PAX5: variants seen among roughly 807,000 people sequenced by gnomAD.
PAX5 encodes paired box protein Pax-5.
Under a neutral mutation model 43.7 loss-of-function variants are expected in PAX5, and 9 were observed. The observed-to-expected ratio is 0.21, with a 90% CI of 0.12 to 0.36. The LOEUF (loss-of-function observed/expected upper bound fraction) is 0.36, where lower values mean the gene tolerates loss of function less well. PAX5 is among the 10% of genes least tolerant of loss of function. PAX5 has a pLI of 1.00. For missense variants in PAX5, 383 were observed against 532.7 expected, an observed-to-expected ratio of 0.72 and a Z score of 2.77; for synonymous variants, 228 against 214.3, an observed-to-expected ratio of 1.06 and a Z score of -0.56.
At chr9:37,030,010 G>A (rs1001750918) in intron 1 of PAX5, among the ~76,000 whole-genome samples, 1 of 152,102 alleles carries the variant, frequency 6.6e-6, no homozygotes, top group African/African-American at 2.4e-5. Context: ...GCTGGAATAT[G>A]CCCGCACACG....
At chr9:36,984,933 C>A (rs1325171326) in intron 5 of PAX5, among the ~76,000 whole-genome samples, 1 of 152,182 alleles carries the variant, frequency 6.6e-6, no homozygotes, top group Non-Finnish European at 1.5e-5. Flanking sequence ...GGAGCAGGGA[C>A]CTGGGTCCCT....
rs188589315 is a variant in PAX5 at position 36,838,906 on chromosome 9, C to G, written c.*1654G>C. On this transcript the variant is annotated 3_prime_UTR_variant, in exon 10 of 10. Transcript: ENST00000358127. ...CAGGACCAGGACAAGACCTGCCTGG[C>G]CTGCTGATCCCAAGTCCAGTCTCTC... 744 of 233,300 alleles carry G rather than the reference C, an allele frequency of 3.2e-3. 6 individuals carry two copies. The highest frequency in any genetic ancestry group is 4.7e-3 in the Non-Finnish European group (550 of 118,072). The allele number at this position is 233,300 out of a possible 1,614,324, so 14.5% of individuals were successfully genotyped here.
At chr9:36,947,522 G>A (rs879011059) in intron 6 of PAX5, among the ~76,000 whole-genome samples, 12 of 151,996 alleles carry the variant, frequency 7.9e-5, no homozygotes, top group Non-Finnish European at 1.6e-4. Context: ...TCAGCCTCCC[G>A]AGTAGCTATC....
chr9:36,992,923 TG>T (rs1182992640), intron 5 of PAX5, among the ~76,000 whole-genome samples: 2 of 152,350 alleles, frequency 1.3e-5, no homozygotes, highest in East Asian at 1.9e-4. Context: ...TTATTTTCAT[TG>T]TTTTTTTATT....
intron 5 of PAX5, among the ~76,000 whole-genome samples, chr9:36,976,694 CT>C (rs1835463275): frequency 6.6e-6 from 1 of 152,232 alleles, no homozygotes; most frequent in African/African-American, 2.4e-5. Context: ...CTCAATCTTT[CT>C]TCTTGGAGAA....
At chr9:36,862,552 C>A (rs953054969) in intron 8 of PAX5, among the ~76,000 whole-genome samples, 1 of 152,106 alleles carries the variant, frequency 6.6e-6, no homozygotes, top group Admixed American at 6.5e-5. Context: ...GCACGTGGAT[C>A]CATCATGCTA....
chr9:36,835,807 C>G lies in PAX5; in HGVS notation c.*4753G>C, dbSNP rs1821601220. 1 of 233,208 alleles carries G rather than the reference C, an allele frequency of 4.3e-6. No individual in the cohort carries two copies. Among genetic ancestry groups the G allele is most frequent in the Non-Finnish European group, 8.5e-6 (1 of 118,112 alleles). The allele number at this position is 233,208 out of a possible 1,614,324, so 14.4% of individuals were successfully genotyped here. A position where few individuals can be genotyped will look rare whatever the true frequency, so the allele number is the denominator to read the frequency against. On this transcript the variant is annotated 3_prime_UTR_variant, in exon 10 of 10. Coordinates refer to ENST00000358127, the MANE Select transcript of PAX5 (RefSeq NM_016734.3). ...CAGAACTGGCCTCGTAGTGGGGCCA[C>G]CGTGGAGCCGGTCTAGCTCAGAGCC...
At chr9:36,926,196 C>T (rs1471511217) in intron 6 of PAX5, among the ~76,000 whole-genome samples, 1 of 152,170 alleles carries the variant, frequency 6.6e-6, no homozygotes, top group Admixed American at 6.5e-5. Context: ...CCTTCTGACT[C>T]CAAAACCTTG....
At chr9:36,955,780 A>ATAT (rs1043722742) in intron 6 of PAX5, among the ~76,000 whole-genome samples, 2 of 82,954 alleles carry the variant, frequency 2.4e-5, no homozygotes, top group African/African-American at 7.0e-5. Context: ...CAAAAAAAAA[A>ATAT]AAATATATAT....
intron 8 of PAX5, among the ~76,000 whole-genome samples, chr9:36,862,966 C>T (rs1176279391): frequency 6.6e-6 from 1 of 152,196 alleles, no homozygotes; most frequent in African/African-American, 2.4e-5. Context: ...TTCATTGCAC[C>T]AGAGTCACCG....
At chr9:36,893,191 T>C (rs1587892063) in intron 7 of PAX5, among the ~76,000 whole-genome samples, 1 of 152,224 alleles carries the variant, frequency 6.6e-6, no homozygotes, top group Non-Finnish European at 1.5e-5. Context: ...GAAGAGATAA[T>C]AATGAACCAA....
chr9:36,968,291 G>A (rs776650230), intron 5 of PAX5, among the ~76,000 whole-genome samples: 3 of 152,258 alleles, frequency 2.0e-5, no homozygotes, highest in Non-Finnish European at 2.9e-5. Flanking sequence ...TCCCACCCAT[G>A]TGAGGAATGA....
At chr9:36,920,641 G>A (rs2131953858) in intron 7 of PAX5, among the ~76,000 whole-genome samples, 1 of 152,170 alleles carries the variant, frequency 6.6e-6, no homozygotes, top group East Asian at 1.9e-4. Flanking sequence ...GATCGCTTTG[G>A]ATTTTGGAAT....
At chr9:37,023,235 G>A (rs1840011073) in intron 1 of PAX5, among the ~76,000 whole-genome samples, 2 of 152,086 alleles carry the variant, frequency 1.3e-5, no homozygotes, top group Admixed American at 1.3e-4. Flanking sequence ...AGACGAAGGT[G>A]GCACACAACG....
rs900253561 is a variant in PAX5, at chr9:37,015,576, A to G, written c.213-382T>C. Among the ~76,000 whole-genome samples, 1 of 151,504 alleles carries G rather than the reference A, an allele frequency of 6.6e-6. No homozygotes were observed. The highest frequency in any genetic ancestry group is 2.4e-5 in the African/African-American group (1 of 41,198). ...TTTAAATTGCATACACAGCTCTCATAGTATTTCTTTTTTTTTTTTTCAGAC... is the reference window on the plus strand; with the variant it reads ...TTTAAATTGCATACACAGCTCTCATGGTATTTCTTTTTTTTTTTTTCAGAC... On this transcript the variant is annotated intron_variant, in intron 2 of 9. Transcript: ENST00000358127. The surrounding 1 kb of genome is among the most constrained non-coding windows in gnomAD (Gnocchi z 4.4).
In PAX5 at chr9:37,002,664, C is replaced by T. The variant is rs1838000187; in HGVS notation, c.588G>A (p.Lys196=). ...GITSPSADTN[K]RKRDEGIQES... ...CTCTCTTACCTTCGTCTCTCTTGCG[C>T]TTGTTGGTGTCGGCGCTGGGGGACG... The change falls in exon 5 of 10, where the codon AAG becomes AAA. Residue 196 remains lysine, a synonymous_variant. Transcript: ENST00000358127. 6.2e-7 allele frequency: 1 copy of T among 1,612,088 alleles called. No homozygotes were observed. The highest frequency in any genetic ancestry group is 1.3e-5 in the African/African-American group (1 of 74,886).
chr9:36,918,153 T>A (rs1054463450), intron 7 of PAX5, among the ~76,000 whole-genome samples: 5 of 152,164 alleles, frequency 3.3e-5, no homozygotes, highest in African/African-American at 1.2e-4. Context: ...GAGTCATGTA[T>A]CTCTCACTTT....
At chr9:36,889,943 G>C (rs1042281701) in intron 7 of PAX5, among the ~76,000 whole-genome samples, 19 of 76,562 alleles carry the variant, frequency 2.5e-4, no homozygotes, top group African/African-American at 8.1e-4. Flanking sequence ...TACACTAACG[G>C]GGGGGGGGGG....
At chr9:36,892,427 C>A in intron 7 of PAX5, among the ~76,000 whole-genome samples, 1 of 152,322 alleles carries the variant, frequency 6.6e-6, no homozygotes, top group East Asian at 1.9e-4. Flanking sequence ...GTTCTAAGCA[C>A]TTTGTATGTA....
Sources: gnomAD v4.1 joint callset for allele counts (sites outside exome capture counted in the v4.1 genomes callset) on GRCh38, gnomAD v4.1.1 for gene constraint, Gnocchi (gnomAD v3.1) non-coding constraint, MANE v1.5 for transcripts, NCBI Gene and HGNC (gene_info 2026-07-23, HGNC 2026-07-21) for gene names.